VIPR1: variants seen among roughly 807,000 people sequenced by gnomAD.
VIPR1 encodes the protein vasoactive intestinal peptide receptor 1, also known as vasoactive intestinal polypeptide receptor 1.
A neutral mutation model predicts 58.8 loss-of-function variants in VIPR1; 59 were observed. The observed-to-expected ratio is 1.00, with a 90% CI of 0.81 to 1.25. The LOEUF is 1.25. VIPR1 is among the 50% of genes most tolerant of loss of function. The probability of loss-of-function intolerance (pLI) is 0.00; values close to 1 mark genes in which losing one functional copy is unlikely to be tolerated. For synonymous variants in VIPR1, 251 were observed against 242.1 expected, an observed-to-expected ratio of 1.04 and a Z score of -0.34; for missense variants, 626 against 602.7, an observed-to-expected ratio of 1.04 and a Z score of -0.40.
chr3:42,530,950 G>A lies in VIPR1; in HGVS notation c.790+18G>A. On this transcript the variant is annotated intron_variant, in intron 7 of 12. Coordinates refer to ENST00000325123, the MANE Select transcript of VIPR1 (RefSeq NM_004624.4). Reference sequence around the variant, plus strand: ...CGGCTGGGGTATGGTACCAGGGAGGGCTTCCAGGCTGGGGACAGAGGGGGC... The same window carrying A: ...CGGCTGGGGTATGGTACCAGGGAGGACTTCCAGGCTGGGGACAGAGGGGGC... The A allele has an allele frequency of 6.2e-7, 1 of 1,613,086 alleles. No homozygotes were observed. The highest frequency in any genetic ancestry group is 8.5e-7 in the Non-Finnish European group (1 of 1,179,306).
upstream of VIPR1, among the ~76,000 whole-genome samples, chr3:42,501,218 C>T (rs1447782905): frequency 1.3e-5 from 2 of 152,108 alleles, no homozygotes; most frequent in African/African-American, 4.8e-5. The surrounding 1 kb of genome is among the most constrained non-coding windows in gnomAD (Gnocchi z 4.8). Context: ...GGCCAGGGCA[C>T]TCATCCCTTC....
At chr3:42,490,083 C>G (rs2125621710) in intron 1 of VIPR1, among the ~76,000 whole-genome samples, 1 of 152,228 alleles carries the variant, frequency 6.6e-6, no homozygotes, top group African/African-American at 2.4e-5. Context: ...ACAAGAGACT[C>G]TGGTCTCCCT....
At position 42,536,318 on chromosome 3, in the gene VIPR1, G is replaced by A; in HGVS notation, c.*37G>A. 3.4e-6 allele frequency: 5 copies of A among 1,486,690 alleles called. No individual in the cohort carries two copies. Among genetic ancestry groups the A allele is most frequent in the Non-Finnish European group, 3.6e-6 (4 of 1,122,712 alleles). 92.1% of individuals were successfully genotyped at this position (1,486,690 alleles called of 1,614,324 possible). ...CCAGGGGCCCAAGGCGGCCCCTCCC[G>A]CCCCTTCCCACTCACCCCGGCAGAC... On this transcript the variant is annotated 3_prime_UTR_variant, in exon 13 of 13. Coordinates refer to ENST00000325123, the MANE Select transcript of VIPR1 (RefSeq NM_004624.4).
intron 1 of VIPR1, 158 bp from the exon 2 acceptor site, chr3:42,513,591 T>G: frequency 1.4e-6 from 1 of 695,150 alleles, no homozygotes; most frequent in Non-Finnish European, 2.3e-6. Flanking sequence ...GGACAACAGG[T>G]TGGGGTCAGG....
In VIPR1 at chr3:42,536,988, A is replaced by C. The variant is rs1201574005; in HGVS notation, c.*707A>C. On this transcript the variant is annotated 3_prime_UTR_variant, in exon 13 of 13. Coordinates refer to ENST00000325123, the MANE Select transcript of VIPR1 (RefSeq NM_004624.4). ...GACTCTGAAGCCTCTGGGAAATGAG[A>C]AGGCAGCCACCAGCGAATGCTAGGT... 5.9e-5 allele frequency: 9 copies of C among 152,150 alleles called. No homozygotes were observed. Among genetic ancestry groups the C allele is most frequent in the African/African-American group, 2.2e-4 (9 of 41,422 alleles). The allele number at this position is 152,150 out of a possible 1,614,324, so 9.4% of individuals were successfully genotyped here. A position where few individuals can be genotyped will look rare whatever the true frequency, so the allele number is the denominator to read the frequency against.
At chr3:42,508,443 G>A (rs942338493) in intron 1 of VIPR1, among the ~76,000 whole-genome samples, 1 of 152,128 alleles carries the variant, frequency 6.6e-6, no homozygotes, top group Non-Finnish European at 1.5e-5. Context: ...GGTGGGCGAC[G>A]GCGTGTCACA....
intron 1 of VIPR1, among the ~76,000 whole-genome samples, chr3:42,494,274 A>G (rs541092781): frequency 1.7e-3 from 255 of 152,386 alleles, no homozygotes; most frequent in African/African-American, 5.8e-3. Flanking sequence ...AAATTATAAA[A>G]TGGAAATGCA....
chr3:42,534,421 G>A (rs1366230995), intron 10 of VIPR1: 1 of 152,862 alleles, frequency 6.5e-6, no homozygotes, highest in African/African-American at 2.4e-5. Flanking sequence ...ACACTTCCAA[G>A]TTCATAGTGG....
In VIPR1 at chr3:42,502,732, G is replaced by C; in HGVS notation, c.-4G>C. 7.6e-7 allele frequency: 1 copy of C among 1,322,478 alleles called. No homozygotes were observed. Among genetic ancestry groups the C allele is most frequent in the South Asian group, 2.1e-5 (1 of 48,084 alleles). 81.9% of individuals were successfully genotyped at this position (1,322,478 alleles called of 1,614,324 possible). ...GGCCGCCCGCCGCGGGCTCAGGGCA[G>C]ACCATGCGCCCGCCAAGTCCGCTGC... On this transcript the variant is annotated 5_prime_UTR_variant, in exon 1 of 13. Coordinates refer to ENST00000325123, the MANE Select transcript of VIPR1 (RefSeq NM_004624.4).
rs183234686 is a variant in VIPR1 at position 42,512,852 on chromosome 3, G to A, written c.79-897G>A. ...GCCAGTCCAACGCTTCCTCCATGGA[G>A]GCCTTCACCCACCCACACCCATCTA... On this transcript the variant is annotated intron_variant, in intron 1 of 12. Coordinates refer to ENST00000325123, the MANE Select transcript of VIPR1 (RefSeq NM_004624.4). The A allele has an allele frequency of 6.8e-5, 67 of 985,484 alleles. No individual in the cohort carries two copies. In the African/African-American group the frequency reaches 1.1e-3, roughly 16 times the overall value. The allele number at this position is 985,484 out of a possible 1,614,324, so 61.0% of individuals were successfully genotyped here. A position where few individuals can be genotyped will look rare whatever the true frequency, so the allele number is the denominator to read the frequency against.
At chr3:42,499,579 C>T (rs1452260633), upstream of VIPR1, among the ~76,000 whole-genome samples, 2 of 151,130 alleles carry the variant, frequency 1.3e-5, 1 homozygote, top group Non-Finnish European at 3.0e-5. Flanking sequence ...CAGAACAGAC[C>T]CCCCCAGGGA....
At chr3:42,528,979 G>T (rs1353876904) in intron 6 of VIPR1, among the ~76,000 whole-genome samples, 1 of 152,218 alleles carries the variant, frequency 6.6e-6, no homozygotes, top group Non-Finnish European at 1.5e-5. Flanking sequence ...GCTTCTCAGA[G>T]GTTCTGTCCC....
chr3:42,513,844 T>C lies in VIPR1; in HGVS notation c.174T>C (p.Asn58=). 1.3e-6 allele frequency: 2 copies of C among 1,551,548 alleles called. No individual in the cohort carries two copies. Among genetic ancestry groups the C allele is most frequent in the South Asian group, 1.2e-5 (1 of 84,044 alleles). The stretch of plus-strand genomic sequence containing the variant: ...GCCTGGAGGAGGCCCAGCTGGAGAA[T>C]GAGACAATAGGTGAGGCCCCCATGG... ...KQCLEEAQLE[N]ETIGCSKMWD... Residue 58 remains asparagine, a synonymous_variant, in exon 2 of 13, where the codon AAT becomes AAC. Transcript: ENST00000325123.
At chr3:42,498,755 G>A (rs1699812302), upstream of VIPR1, among the ~76,000 whole-genome samples, 2 of 152,184 alleles carry the variant, frequency 1.3e-5, no homozygotes, top group African/African-American at 2.4e-5. Flanking sequence ...AGGCTTCCCT[G>A]CAGAGGACAG....
intron 1 of VIPR1, among the ~76,000 whole-genome samples, chr3:42,496,630 G>A (rs375710075): frequency 2.6e-5 from 4 of 152,246 alleles, no homozygotes; most frequent in East Asian, 3.9e-4. Flanking sequence ...ATAGACGTTT[G>A]GCATTTTTAT....
intron 3 of VIPR1, among the ~76,000 whole-genome samples, chr3:42,520,035 T>A (rs191580534): frequency 6.6e-6 from 1 of 152,286 alleles, no homozygotes; most frequent in African/African-American, 2.4e-5. Context: ...GAGTGGGGAC[T>A]AACTTAAGGC....
At chr3:42,533,041 G>T (rs1701656059) in intron 10 of VIPR1, 1 of 152,530 alleles carries the variant, frequency 6.6e-6, no homozygotes, top group African/African-American at 2.4e-5. Context: ...TTTTTTTGCG[G>T]GAGCAACAAG....
upstream of VIPR1, among the ~76,000 whole-genome samples, chr3:42,499,137 G>A (rs1015410045): frequency 7.2e-5 from 11 of 152,204 alleles, no homozygotes; most frequent in Non-Finnish European, 1.2e-4. Context: ...GCTCTGGCAG[G>A]GGAATCCTAG....
intron 3 of VIPR1, among the ~76,000 whole-genome samples, chr3:42,523,890 T>A (rs1701093727): frequency 6.6e-6 from 1 of 152,032 alleles, no homozygotes; most frequent in South Asian, 2.1e-4. Flanking sequence ...TGATCTCGGC[T>A]CACTGCAACC....
Sources: allele counts gnomAD v4.1 joint callset (sites outside exome capture counted in the v4.1 genomes callset), GRCh38; gene constraint gnomAD v4.1.1; non-coding constraint Gnocchi (gnomAD v3.1); transcripts MANE v1.5; gene names NCBI Gene and HGNC (gene_info 2026-07-23, HGNC 2026-07-21).